Variants in ITIH4 observed in about 807,000 individuals in gnomAD.
The protein encoded by ITIH4 is inter-alpha-trypsin inhibitor heavy chain 4.
Under a neutral mutation model 111.8 loss-of-function variants are expected in ITIH4, and 79 were observed. That is an observed-to-expected ratio of 0.71 (90% CI 0.59 to 0.85). ITIH4 has a LOEUF of 0.85. Among genes scored for constraint, ITIH4 ranks in the 40% least tolerant of loss-of-function variants. ITIH4 has a pLI of 0.00. For synonymous variants in ITIH4, 472 were observed against 468.3 expected, an observed-to-expected ratio of 1.01 and a Z score of -0.10; for missense variants, 1,065 against 1,195.8, an observed-to-expected ratio of 0.89 and a Z score of 1.61.
At chr3:52,813,542 G>A (rs1384243464) in intron 23 of ITIH4, 52 bp from the exon 24 acceptor site, 1 of 1,519,170 alleles carries the variant, frequency 6.6e-7, no homozygotes. Context: ...TCTCAGGTGT[G>A]GTGCGAAAAG....
rs560689185 is a variant in ITIH4 at position 52,820,002 on chromosome 3, T to C, written c.1862-12A>G. The C allele has an allele frequency of 2.5e-6, 4 of 1,613,958 alleles. No homozygotes were observed. On this transcript the variant is annotated splice_polypyrimidine_tract_variant and intron_variant, in intron 14 of 23. Transcript: ENST00000266041. ...GAAGAAAGTGGAACCTGGAAATCAG[T>C]GGGACCTGGGTTTGCATCTTGCACC...
chr3:52,829,848 C>A (rs1170977533), intron 1 of ITIH4: 1 of 161,286 alleles, frequency 6.2e-6, no homozygotes, highest in Non-Finnish European at 1.4e-5. Context: ...TGGGAATCTT[C>A]CTCTCTGCTC....
At chr3:52,820,865 C>T in intron 12 of ITIH4, 80 bp from the exon 13 acceptor site, 1 of 1,553,122 alleles carries the variant, frequency 6.4e-7, no homozygotes, top group Non-Finnish European at 8.7e-7. Context: ...CTGGGGAGGT[C>T]CCTCTGGGAG....
intron 23 of ITIH4, 27 bp from the exon 24 acceptor site, chr3:52,813,517 C>T (rs1339202126): frequency 1.9e-6 from 3 of 1,605,386 alleles, no homozygotes; most frequent in African/African-American, 1.3e-5. Context: ...GACAGATAGG[C>T]AGGTGGTCAG....
chr3:52,818,276 G>A lies in ITIH4; in HGVS notation c.2160C>T (p.Thr720=). Residue 720 remains threonine, a synonymous_variant, in exon 19 of 24, where the codon ACC becomes ACT. Coordinates refer to ENST00000266041, the MANE Select transcript of ITIH4 (RefSeq NM_002218.5). ...ACTTACCTGGGGTTTGGGTTGTCATGGTTGTTTCTAAAAGAAGAAAAAGTC... is the reference window on the plus strand; with the variant it reads ...ACTTACCTGGGGTTTGGGTTGTCATAGTTGTTTCTAAAAGAAGAAAAAGTC... ...RVMNMKIEET[T]MTTQTPAPIQ... is the part of the protein sequence containing the mutation. The A allele has an allele frequency of 6.3e-7, 1 of 1,578,896 alleles. No homozygotes were observed. Among genetic ancestry groups the A allele is most frequent in the Non-Finnish European group, 8.6e-7 (1 of 1,163,938 alleles).
In ITIH4 at chr3:52,816,998, G is replaced by T. The variant is rs1295778874; in HGVS notation, c.2357C>A (p.Thr786Asn). 1 of 1,613,826 alleles carries T rather than the reference G, an allele frequency of 6.2e-7. No homozygotes were observed. Among genetic ancestry groups the T allele is most frequent in the Non-Finnish European group, 8.5e-7 (1 of 1,179,946 alleles). The change falls in exon 21 of 24, where the codon ACC (threonine) becomes AAC (asparagine). Residue 786 changes from threonine (T) to asparagine (N), a missense_variant. Coordinates refer to ENST00000266041, the MANE Select transcript of ITIH4 (RefSeq NM_002218.5). ...EKAGFSWIEV[T>N]FKNPLVWVHA... is the part of the protein sequence containing the mutation. ...AACCCATACCAGGGGGTTCTTGAAG[G>T]TCACTTCGATCCATGAGAACCCAGC...
chr3:52,826,749 G>T, intron 4 of ITIH4, 42 bp downstream of exon 4: 1 of 1,613,306 alleles, frequency 6.2e-7, no homozygotes, highest in Non-Finnish European at 8.5e-7. Context: ...GCAGGGCAAG[G>T]GTCATGCAGG....
At chr3:52,820,203 T>C (rs1700354730) in intron 14 of ITIH4, 88 bp downstream of exon 14, 4 of 1,573,636 alleles carry the variant, frequency 2.5e-6, no homozygotes, top group Non-Finnish European at 2.6e-6. Flanking sequence ...ACCTGGGCCC[T>C]GGCCAGCAAC....
chr3:52,819,362 G>T (rs76006218), intron 17 of ITIH4, 31 bp downstream of exon 17: 1 of 1,613,264 alleles, frequency 6.2e-7, no homozygotes, highest in Non-Finnish European at 8.5e-7. Flanking sequence ...GTGGGAAACC[G>T]AGGCCCTCGC....
intron 2 of ITIH4, among the ~76,000 whole-genome samples, chr3:52,827,406 C>A (rs145983902): frequency 2.0e-5 from 3 of 152,210 alleles, no homozygotes; most frequent in Non-Finnish European, 2.9e-5. Flanking sequence ...CTCTAGCTCC[C>A]GGAGGTGTGT....
chr3:52,817,147 C>G (rs1700293209), intron 20 of ITIH4, 89 bp from the exon 21 acceptor site: 1 of 1,117,388 alleles, frequency 8.9e-7, no homozygotes, highest in Admixed American at 2.2e-5. Flanking sequence ...ATCACACCCC[C>G]TGGAGTTCTG....
At chr3:52,822,706 C>T (rs1700407249) in intron 11 of ITIH4, among the ~76,000 whole-genome samples, 1 of 152,220 alleles carries the variant, frequency 6.6e-6, no homozygotes, top group Admixed American at 6.5e-5. Flanking sequence ...ACCGTACCAA[C>T]AGTCATGACA....
At chr3:52,825,024 C>G in intron 6 of ITIH4, 66 bp from the exon 7 acceptor site, 1 of 1,082,926 alleles carries the variant, frequency 9.2e-7, no homozygotes, top group South Asian at 1.5e-5. Flanking sequence ...CATTCAGCCC[C>G]TTTACCCCAA....
At chr3:52,814,413 G>A (rs1700243393) in intron 21 of ITIH4, 50 bp from the exon 22 acceptor site, 2 of 1,548,202 alleles carry the variant, frequency 1.3e-6, no homozygotes, top group Admixed American at 1.7e-5. Context: ...CGTGTGCACA[G>A]AACCTCAGTA....
intron 11 of ITIH4, among the ~76,000 whole-genome samples, chr3:52,823,067 C>T (rs1200715696): frequency 6.6e-6 from 1 of 152,176 alleles, no homozygotes; most frequent in African/African-American, 2.4e-5. Flanking sequence ...GGCCCTGCCG[C>T]AGAGCTTGTG....
At position 52,823,693 on chromosome 3, in the gene ITIH4, C is replaced by T. The variant is rs779357305; in HGVS notation, c.1402G>A (p.Glu468Lys). ...TCCTCCACGGCATTGCTTGGGTACTCGAAGGTCACTGCTGTCAGCAGTGGG... is the reference window on the plus strand; with the variant it reads ...TCCTCCACGGCATTGCTTGGGTACTTGAAGGTCACTGCTGTCAGCAGTGGG... ...ANPLLTAVTF[E>K]YPSNAVEEVT... The change falls in exon 11 of 24, where the codon GAG becomes AAG. Residue 468 changes from glutamate to lysine, a missense_variant. Transcript: ENST00000266041. The T allele has an allele frequency of 5.6e-6, 9 of 1,614,114 alleles. No individual in the cohort carries two copies. Among genetic ancestry groups the T allele is most frequent in the Admixed American group, 3.3e-5 (2 of 60,014 alleles).
Position 52,824,172 on chromosome 3 carries a change from C to A in ITIH4, c.1171+18G>T. On this transcript the variant is annotated intron_variant, in intron 9 of 23. Coordinates refer to ENST00000266041, the MANE Select transcript of ITIH4 (RefSeq NM_002218.5). The surrounding 1 kb of genome is among the most constrained non-coding windows in gnomAD (Gnocchi z 4.3). ...TCCCCTGTGCAGCACGTCCTGGAGTCACGGGCAGGGCCCTCACCCACAGTG... is the reference window on the plus strand; with the variant it reads ...TCCCCTGTGCAGCACGTCCTGGAGTAACGGGCAGGGCCCTCACCCACAGTG... The A allele has an allele frequency of 1.9e-6, 3 of 1,612,320 alleles. No homozygotes were observed. In the South Asian group the frequency reaches 3.3e-5, roughly 18 times the overall value.
intron 11 of ITIH4, among the ~76,000 whole-genome samples, chr3:52,822,523 G>A (rs1393307191): frequency 6.6e-6 from 1 of 152,166 alleles, no homozygotes; most frequent in Non-Finnish European, 1.5e-5. Flanking sequence ...TGACATGTAT[G>A]GAGTGCTTAT....
At chr3:52,822,608 C>T (rs1700404147) in intron 11 of ITIH4, among the ~76,000 whole-genome samples, 1 of 152,170 alleles carries the variant, frequency 6.6e-6, no homozygotes, top group South Asian at 2.1e-4. Context: ...GAGGAAACTG[C>T]AGTAGATGGA....
Sources: allele counts gnomAD v4.1 joint callset (sites outside exome capture counted in the v4.1 genomes callset), GRCh38; gene constraint gnomAD v4.1.1; non-coding constraint Gnocchi (gnomAD v3.1); transcripts MANE v1.5; gene names NCBI Gene and HGNC (gene_info 2026-07-23, HGNC 2026-07-21).